Variants in CCDC91 observed in about 807,000 individuals in gnomAD.
CCDC91 encodes the protein coiled-coil domain-containing protein 91.
Under a neutral mutation model 63.2 loss-of-function variants are expected in CCDC91, and 48 were observed. That is an observed-to-expected ratio of 0.76 (90% CI 0.60 to 0.97). The LOEUF is 0.97. CCDC91 is among the 50% of genes least tolerant of loss of function. CCDC91 has a pLI of 0.00. For synonymous variants in CCDC91, 167 were observed against 165.8 expected (o/e 1.01, Z -0.06); for missense variants, 500 against 494.6 (o/e 1.01, Z -0.10).
At chr12:28,425,917 A>G (rs1428833113) in intron 8 of CCDC91, among the ~76,000 whole-genome samples, 1 of 152,102 alleles carries the variant, frequency 6.6e-6, no homozygotes, top group African/African-American at 2.4e-5. Flanking sequence ...AAACTACTCA[A>G]CTAACAGTGT....
At chr12:28,318,487 G>GCTA (rs776506307) in intron 6 of CCDC91, among the ~76,000 whole-genome samples, 30 of 152,072 alleles carry the variant, frequency 2.0e-4, no homozygotes, top group Middle Eastern at 3.4e-3. Flanking sequence ...GTTGCAATGA[G>GCTA]CTATGATTGC....
At chr12:28,190,965 C>T (rs1363109712) in intron 1 of CCDC91, among the ~76,000 whole-genome samples, 1 of 152,256 alleles carries the variant, frequency 6.6e-6, no homozygotes, top group East Asian at 1.9e-4. Flanking sequence ...ACCGAAGCGC[C>T]TACCGAACGG....
At chr12:28,338,017 C>T (rs1942118970) in intron 6 of CCDC91, among the ~76,000 whole-genome samples, 1 of 151,840 alleles carries the variant, frequency 6.6e-6, no homozygotes, top group African/African-American at 2.4e-5. Context: ...AGTTCTGAAC[C>T]CAAGAGACAG....
At chr12:28,209,414 A>G (rs1327680179) in intron 1 of CCDC91, among the ~76,000 whole-genome samples, 1 of 152,144 alleles carries the variant, frequency 6.6e-6, no homozygotes, top group Non-Finnish European at 1.5e-5. Flanking sequence ...AATTTCTTTA[A>G]TAACGTTAAT....
At chr12:28,347,699 C>G (rs1254799164) in intron 6 of CCDC91, among the ~76,000 whole-genome samples, 1 of 152,192 alleles carries the variant, frequency 6.6e-6, no homozygotes, top group African/African-American at 2.4e-5. Context: ...GCTTAGAAAT[C>G]ACCCATGCTT....
intron 11 of CCDC91, among the ~76,000 whole-genome samples, chr12:28,480,987 T>TA (rs1186390116): frequency 6.6e-6 from 1 of 152,012 alleles, no homozygotes; most frequent in Non-Finnish European, 1.5e-5. Flanking sequence ...ACATCTTATG[T>TA]AAAATATCAT....
At chr12:28,269,877 T>A (rs532529472) in intron 3 of CCDC91, among the ~76,000 whole-genome samples, 1 of 152,194 alleles carries the variant, frequency 6.6e-6, no homozygotes, top group Non-Finnish European at 1.5e-5. Flanking sequence ...CCTCCATGAT[T>A]TGGGTATTGC....
intron 6 of CCDC91, among the ~76,000 whole-genome samples, chr12:28,345,046 T>TA (rs1318800495): frequency 2.6e-5 from 4 of 152,148 alleles, no homozygotes; most frequent in Non-Finnish European, 5.9e-5. Flanking sequence ...AGGTTAATAA[T>TA]ATATTTTTTG....
chr12:28,389,561 T>TA (rs1945811247), intron 7 of CCDC91, among the ~76,000 whole-genome samples: 1 of 152,122 alleles, frequency 6.6e-6, no homozygotes, highest in Admixed American at 6.6e-5. Context: ...TTGTACTTCT[T>TA]AATTATGGAG....
At chr12:28,263,208 G>A (rs1946945069) in intron 3 of CCDC91, among the ~76,000 whole-genome samples, 1 of 151,832 alleles carries the variant, frequency 6.6e-6, no homozygotes, top group Non-Finnish European at 1.5e-5. Context: ...CCAGTTGTTT[G>A]GTCCTTAGCA....
chr12:28,218,780 TGAA>T (rs1404958921), intron 1 of CCDC91, among the ~76,000 whole-genome samples: 1 of 151,954 alleles, frequency 6.6e-6, no homozygotes, highest in Non-Finnish European at 1.5e-5. Flanking sequence ...CTTGGTGTAA[TGAA>T]GATTCTTTCA....
chr12:28,462,747 TAGAC>T (rs1299729953), intron 11 of CCDC91, among the ~76,000 whole-genome samples: 11 of 152,054 alleles, frequency 7.2e-5, no homozygotes, highest in African/African-American at 2.4e-4. Context: ...GTTGGTAAGA[TAGAC>T]AAGTAAACTG....
intron 12 of CCDC91, among the ~76,000 whole-genome samples, chr12:28,520,458 A>T (rs1423680098): frequency 2.0e-5 from 3 of 152,202 alleles, no homozygotes; most frequent in Middle Eastern, 3.4e-3. Context: ...TTCTTTGTAG[A>T]TTCTGGATAT....
chr12:28,535,864 TA>T lies in CCDC91; in HGVS notation c.1216-13193del, dbSNP rs1414284134. Among the ~76,000 whole-genome samples the T allele has an allele frequency of 6.8e-4, 103 of 151,738 alleles. 1 individual carries two copies. Among genetic ancestry groups the T allele is most frequent in the South Asian group, 1.7e-3 (8 of 4,766 alleles). Reference sequence around the variant, plus strand: ...TAACACGGTGAAACCCCGTCTCTACTAAAAAATACAAAAATTTAGCCGGACA... The same window carrying T: ...TAACACGGTGAAACCCCGTCTCTACTAAAAATACAAAAATTTAGCCGGACA... On this transcript the variant is annotated intron_variant, in intron 12 of 12. Coordinates refer to ENST00000536442, the MANE Select transcript of CCDC91 (RefSeq NM_018318.5).
chr12:28,331,860 A>G (rs780853656), intron 6 of CCDC91, among the ~76,000 whole-genome samples: 2 of 152,162 alleles, frequency 1.3e-5, no homozygotes, highest in Non-Finnish European at 2.9e-5. Context: ...GTAAAAATAT[A>G]TAAGAAATGG....
At chr12:28,300,950 T>G (rs1274065047) in intron 3 of CCDC91, among the ~76,000 whole-genome samples, 4 of 151,720 alleles carry the variant, frequency 2.6e-5, no homozygotes, top group Non-Finnish European at 3.0e-5. Context: ...TGGTCAAGTT[T>G]ATATCCTGCT....
Position 28,484,178 on chromosome 12 carries a change from T to G in CCDC91, c.1215+13T>G. Reference sequence around the variant, plus strand: ...AGAACAGAAAAGGGTAAGTATCTCCTGAAGAGTTTTAATTTGTGCTTCAAT... The same window carrying G: ...AGAACAGAAAAGGGTAAGTATCTCCGGAAGAGTTTTAATTTGTGCTTCAAT... On this transcript the variant is annotated intron_variant, in intron 12 of 12. Coordinates refer to ENST00000536442, the MANE Select transcript of CCDC91 (RefSeq NM_018318.5). 3 of 1,475,304 alleles carry G rather than the reference T, an allele frequency of 2.0e-6. No individual in the cohort carries two copies. Among genetic ancestry groups the G allele is most frequent in the Non-Finnish European group, 2.8e-6 (3 of 1,069,672 alleles). 91.4% of individuals were successfully genotyped at this position (1,475,304 alleles called of 1,614,324 possible). A position where few individuals can be genotyped will look rare whatever the true frequency, so the allele number is the denominator to read the frequency against.
intron 6 of CCDC91, among the ~76,000 whole-genome samples, chr12:28,350,931 G>T (rs908427629): frequency 6.6e-6 from 1 of 152,018 alleles, no homozygotes; most frequent in African/African-American, 2.4e-5. Flanking sequence ...ATAATGCAAA[G>T]ACCCTATTTC....
At position 28,250,122 on chromosome 12, in the gene CCDC91, C is replaced by T. The variant is rs191014948; in HGVS notation, c.-14-7080C>T. Among the ~76,000 whole-genome samples, 4 of 152,148 alleles carry T rather than the reference C, an allele frequency of 2.6e-5. No homozygotes were observed. The East Asian group carries it at 7.7e-4, about 29-fold the overall frequency. On this transcript the variant is annotated intron_variant, in intron 1 of 12. Transcript: ENST00000536442. Reference sequence around the variant, plus strand: ...CTATTAAGGAGTTGGAAGTTGAAGACTTAACCAAAGAGGGTGAGGGTAGAT... The same window carrying T: ...CTATTAAGGAGTTGGAAGTTGAAGATTTAACCAAAGAGGGTGAGGGTAGAT...
Sources: allele counts gnomAD v4.1 joint callset (sites outside exome capture counted in the v4.1 genomes callset), GRCh38; gene constraint gnomAD v4.1.1; transcripts MANE v1.5; gene names NCBI Gene and HGNC (gene_info 2026-07-23, HGNC 2026-07-21).